Variants in PNPLA1 observed in about 807,000 individuals in gnomAD.
PNPLA1 encodes omega-hydroxyceramide transacylase.
A neutral mutation model predicts 51.7 loss-of-function variants in PNPLA1; 36 were observed. That is an observed-to-expected ratio of 0.70 (90% CI 0.53 to 0.92). The LOEUF (loss-of-function observed/expected upper bound fraction) is 0.92, where lower values mean the gene tolerates loss of function less well. PNPLA1 is among the 40% of genes least tolerant of loss of function. The pLI, the probability that PNPLA1 is intolerant of heterozygous loss-of-function variation, is 0.00. For missense variants in PNPLA1, 658 were observed against 682.5 expected (o/e 0.96, Z 0.40); for synonymous variants, 293 against 280.1 (o/e 1.05, Z -0.46).
At chr6:36,283,708 G>A (rs1476950830) in intron 1 of PNPLA1, among the ~76,000 whole-genome samples, 1 of 152,238 alleles carries the variant, frequency 6.6e-6, no homozygotes, top group African/African-American at 2.4e-5. Flanking sequence ...ATGCATCCAT[G>A]TGGGAACACA....
In PNPLA1 at chr6:36,289,269, A is replaced by C. The variant is rs533762901; in HGVS notation, c.206-2051A>C. Among the ~76,000 whole-genome samples, 14 of 152,246 alleles carry C rather than the reference A, an allele frequency of 9.2e-5. No individual in the cohort carries two copies. The South Asian group carries it at 2.7e-3, about 29-fold the overall frequency. ...TTCCTGGCTCTCAGGCCTCATGGGA[A>C]AAGCCATTGACCCTTGCCAGGTGTT... On this transcript the variant is annotated intron_variant, in intron 1 of 8. Transcript: ENST00000636260.
At chr6:36,305,768 C>CTTTTTTTTTTTTTTTTTTTTT in intron 6 of PNPLA1, among the ~76,000 whole-genome samples, 1 of 96,576 alleles carries the variant, frequency 1.0e-5, no homozygotes, top group Non-Finnish European at 2.0e-5. Context: ...TTACTTTTCT[C>CTTTTTTTTTTTTTTTTTTTTT]TTTTTTTTTT....
At chr6:36,309,739 T>A (rs989599589) in intron 8 of PNPLA1, among the ~76,000 whole-genome samples, 1 of 152,216 alleles carries the variant, frequency 6.6e-6, no homozygotes, top group Non-Finnish European at 1.5e-5. Context: ...ACAGAACAGA[T>A]GCTGAGCCTG....
chr6:36,293,871 T>A (rs1303662222), intron 3 of PNPLA1, among the ~76,000 whole-genome samples: 1 of 152,154 alleles, frequency 6.6e-6, no homozygotes. Flanking sequence ...CGTCTCCTGC[T>A]TTACCCAGAG....
chr6:36,262,801 G>A (rs10947594), intron 1 of PNPLA1, among the ~76,000 whole-genome samples: 47,287 of 152,084 alleles, frequency 0.31, 7,475 homozygotes, highest in South Asian at 0.52. Context: ...ATTCTTTTCA[G>A]TAGCTGCAGA....
At chr6:36,276,686 C>T (rs967296797) in intron 1 of PNPLA1, among the ~76,000 whole-genome samples, 1 of 152,212 alleles carries the variant, frequency 6.6e-6, no homozygotes, top group Non-Finnish European at 1.5e-5. Context: ...TACTTCTTGG[C>T]ACCTTTCTCC....
At chr6:36,267,808 T>C (rs926470612), upstream of PNPLA1, among the ~76,000 whole-genome samples, 1 of 152,066 alleles carries the variant, frequency 6.6e-6, no homozygotes, top group African/African-American at 2.4e-5. Context: ...ATAGTGCCCA[T>C]GTCTTGCTGT....
At chr6:36,258,374 A>G (rs960755207) in intron 1 of PNPLA1, among the ~76,000 whole-genome samples, 1 of 152,180 alleles carries the variant, frequency 6.6e-6, no homozygotes. Context: ...CACCCCACAC[A>G]TCCCTGACTA....
chr6:36,305,798 G>A (rs1311787228), intron 6 of PNPLA1, among the ~76,000 whole-genome samples: 4 of 140,222 alleles, frequency 2.9e-5, no homozygotes, highest in African/African-American at 1.1e-4. Context: ...TTTGGTGGTG[G>A]AGGAGGAGAC....
At chr6:36,286,584 A>C (rs566095838) in intron 1 of PNPLA1, among the ~76,000 whole-genome samples, 7 of 152,242 alleles carry the variant, frequency 4.6e-5, no homozygotes, top group African/African-American at 7.2e-5. Flanking sequence ...AAAAAAGTTT[A>C]AATTAAATTT....
chr6:36,266,949 C>G (rs542909500), upstream of PNPLA1, among the ~76,000 whole-genome samples: 5 of 152,314 alleles, frequency 3.3e-5, no homozygotes, highest in African/African-American at 1.2e-4. Context: ...AAAAGCCAGT[C>G]TGGAGTCTAT....
At chr6:36,291,017 T>C (rs1770659319) in intron 1 of PNPLA1, among the ~76,000 whole-genome samples, 1 of 152,290 alleles carries the variant, frequency 6.6e-6, no homozygotes, top group Middle Eastern at 3.4e-3. Context: ...AAAGTGTTCC[T>C]TTAGCTGTTG....
chr6:36,275,800 T>A (rs1223625759), intron 1 of PNPLA1, among the ~76,000 whole-genome samples: 1 of 152,230 alleles, frequency 6.6e-6, no homozygotes, highest in Non-Finnish European at 1.5e-5. Context: ...TGAAATTGCA[T>A]CTTTCCATTT....
chr6:36,291,579 G>T, intron 2 of PNPLA1, 27 bp downstream of exon 2: 2 of 103,658 alleles, frequency 1.9e-5, no homozygotes. Flanking sequence ...GGGAGGGAGG[G>T]ACACGGAGGG....
In PNPLA1 at chr6:36,313,175, G is replaced by C. The variant is rs1402501271; in HGVS notation, c.*1289G>C. ...TGGGTGGCTGTAGAGGAAGAAGGAG[G>C]CCAAATGTCCCTCCCCTGCAGCCAA... On this transcript the variant is annotated 3_prime_UTR_variant, in exon 9 of 9. Coordinates refer to ENST00000636260, the MANE Select transcript of PNPLA1 (RefSeq NM_001374623.1). 2.0e-5 allele frequency among the ~76,000 whole-genome samples: 3 copies of C among 152,098 alleles called. No individual in the cohort carries two copies. Among genetic ancestry groups the C allele is most frequent in the South Asian group, 2.1e-4 (1 of 4,820 alleles).
rs149510948 is a variant in PNPLA1 at position 36,283,263 on chromosome 6, T to C, written c.206-8057T>C. Among the ~76,000 whole-genome samples, 593 of 152,340 alleles carry C rather than the reference T, an allele frequency of 3.9e-3. 6 individuals are homozygous for C. Among genetic ancestry groups the C allele is most frequent in the Non-Finnish European group, 4.5e-3 (308 of 68,034 alleles). The stretch of plus-strand genomic sequence containing the variant: ...CCAATCCAGGATTCCACACTGCATT[T>C]GGAGGATCCATTTTTAAACCAACTC... On this transcript the variant is annotated intron_variant, in intron 1 of 8. Coordinates refer to ENST00000636260, the MANE Select transcript of PNPLA1 (RefSeq NM_001374623.1).
chr6:36,278,837 G>A (rs1770190326), intron 1 of PNPLA1, among the ~76,000 whole-genome samples: 1 of 152,196 alleles, frequency 6.6e-6, no homozygotes, highest in Non-Finnish European at 1.5e-5. Context: ...ATCTGGCAGT[G>A]AGCAAAGCAG....
At position 36,313,434 on chromosome 6, in the gene PNPLA1, G is replaced by A. The variant is rs1284808531; in HGVS notation, c.*1548G>A. 2.0e-5 allele frequency among the ~76,000 whole-genome samples: 3 copies of A among 152,184 alleles called. No individual in the cohort carries two copies. Among genetic ancestry groups the A allele is most frequent in the Non-Finnish European group, 4.4e-5 (3 of 68,036 alleles). On this transcript the variant is annotated 3_prime_UTR_variant, in exon 9 of 9. Coordinates refer to ENST00000636260, the MANE Select transcript of PNPLA1 (RefSeq NM_001374623.1). ...AATGCAAAACCCAGAATGAATGGGT[G>A]GAGGACCATACTAAACTGCCCTTTG... is the stretch of plus-strand genomic sequence containing the variant.
chr6:36,282,919 G>A (rs932568561), intron 1 of PNPLA1, among the ~76,000 whole-genome samples: 2 of 152,124 alleles, frequency 1.3e-5, no homozygotes, highest in Non-Finnish European at 2.9e-5. Context: ...CCCTGACCTC[G>A]TGATCTGCCC....
Sources: gnomAD v4.1 joint callset for allele counts (sites outside exome capture counted in the v4.1 genomes callset) on GRCh38, gnomAD v4.1.1 for gene constraint, MANE v1.5 for transcripts, NCBI Gene and HGNC (gene_info 2026-07-23, HGNC 2026-07-21) for gene names.